The following FAM78B variants were observed in gnomAD, a reference collection of about 807,000 sequenced individuals.
FAM78B encodes the protein protein FAM78B.
Under a neutral mutation model 20.0 loss-of-function variants are expected in FAM78B, and 10 were observed. The ratio of observed to expected loss-of-function variants is 0.50; its 90% CI spans 0.31 to 0.85. FAM78B has a LOEUF of 0.85. Among genes scored for constraint, FAM78B ranks in the 40% least tolerant of loss-of-function variants. The pLI, the probability that FAM78B is intolerant of heterozygous loss-of-function variation, is 0.05. For synonymous variants in FAM78B, 135 were observed against 132.8 expected, an observed-to-expected ratio of 1.02 and a Z score of -0.12; for missense variants, 283 against 345.0, an observed-to-expected ratio of 0.82 and a Z score of 1.42.
At chr1:166,067,935 G>A (rs1258987799), downstream of FAM78B, among the ~76,000 whole-genome samples, 2 of 152,160 alleles carry the variant, frequency 1.3e-5, no homozygotes, top group Non-Finnish European at 2.9e-5. Context: ...AGCTAAGTAT[G>A]CTACACCTTG....
intron 1 of FAM78B, among the ~76,000 whole-genome samples, chr1:166,091,297 C>A (rs1653059989): frequency 6.6e-6 from 1 of 152,056 alleles, no homozygotes; most frequent in Non-Finnish European, 1.5e-5. Flanking sequence ...TGTCCCCACC[C>A]AAATCTCATC....
intron 1 of FAM78B, among the ~76,000 whole-genome samples, chr1:166,149,698 C>T (rs879698203): frequency 6.6e-6 from 1 of 152,170 alleles, no homozygotes; most frequent in Non-Finnish European, 1.5e-5. Context: ...TCAAGCCTAG[C>T]CTTTTTCATT....
exon 3 of FAM78B, chr1:166,057,918 T>C (rs997804931): frequency 2.0e-5 from 3 of 151,944 alleles, no homozygotes; most frequent in Non-Finnish European, 2.9e-5. Context: ...CCCAGCGAGA[T>C]CTAAATTAAT....
At chr1:166,149,373 CCTTTTTACCT>C (rs1247513279) in intron 1 of FAM78B, among the ~76,000 whole-genome samples, 3 of 152,210 alleles carry the variant, frequency 2.0e-5, no homozygotes, top group African/African-American at 4.8e-5. Context: ...TTGGGCAATT[CCTTTTTACCT>C]CTTTTTACAT....
chr1:166,089,860 C>T lies in FAM78B; in HGVS notation c.264-19097G>A, dbSNP rs947553451. On this transcript the variant is annotated intron_variant, in intron 1 of 1. Coordinates refer to ENST00000354422, the MANE Select transcript of FAM78B (RefSeq NM_001017961.5). ...AAAGGGAACTCTGTTAACATAACCGCGGTGGGGGTTAAAGAGCAGCTTTCC... is the reference window on the plus strand; with the variant it reads ...AAAGGGAACTCTGTTAACATAACCGTGGTGGGGGTTAAAGAGCAGCTTTCC... Among the ~76,000 whole-genome samples the T allele has an allele frequency of 5.9e-5, 9 of 152,218 alleles. No individual in the cohort carries two copies. In the East Asian group the frequency reaches 9.7e-4, roughly 16 times the overall value.
At chr1:166,136,229 G>A (rs1009157806) in intron 1 of FAM78B, among the ~76,000 whole-genome samples, 3 of 152,212 alleles carry the variant, frequency 2.0e-5, no homozygotes, top group Non-Finnish European at 2.9e-5. Flanking sequence ...CATGGAGGGT[G>A]TCAGAGATTT....
intron 1 of FAM78B, among the ~76,000 whole-genome samples, chr1:166,149,718 G>C (rs766345395): frequency 3.3e-5 from 5 of 152,118 alleles, no homozygotes. Flanking sequence ...TACATTCAAG[G>C]TTTATATGGC....
At chr1:166,152,531 C>T (rs1378179919) in intron 1 of FAM78B, among the ~76,000 whole-genome samples, 6 of 152,148 alleles carry the variant, frequency 3.9e-5, no homozygotes, top group African/African-American at 1.4e-4. Flanking sequence ...CATACTCCCT[C>T]TCTGCTGCAG....
rs531455188 is a variant in FAM78B at position 166,161,738 on chromosome 1, G to A, written c.263+4248C>T. Among the ~76,000 whole-genome samples the A allele has an allele frequency of 9.2e-5, 14 of 152,288 alleles. No homozygotes were observed. In the South Asian group the frequency reaches 2.1e-3, roughly 23 times the overall value. On this transcript the variant is annotated intron_variant, in intron 1 of 1. Transcript: ENST00000354422. ...TCTAGGGTGACATACAGATGGTTTC[G>A]CTTGAGCAACTCAAAGAGTGGAGGT...
chr1:166,065,674 G>A (rs1300627757), downstream of FAM78B, among the ~76,000 whole-genome samples: 1 of 152,138 alleles, frequency 6.6e-6, no homozygotes, highest in Non-Finnish European at 1.5e-5. Context: ...CTGTCATCTG[G>A]CAACTGGCAA....
At chr1:166,158,225 T>C (rs1291918655) in intron 1 of FAM78B, among the ~76,000 whole-genome samples, 2 of 152,198 alleles carry the variant, frequency 1.3e-5, no homozygotes, top group East Asian at 3.8e-4. Flanking sequence ...CTCGGGAGGC[T>C]GAGGTGGGAG....
At chr1:166,151,480 C>T (rs986983698) in intron 1 of FAM78B, among the ~76,000 whole-genome samples, 1 of 152,210 alleles carries the variant, frequency 6.6e-6, no homozygotes, top group African/African-American at 2.4e-5. Context: ...GACTCTCCCT[C>T]TTAGAATAAA....
Position 166,077,996 on chromosome 1 carries a change from A to T in FAM78B, c.264-7233T>A, listed in dbSNP as rs71630308. 8.1e-3 allele frequency among the ~76,000 whole-genome samples: 657 copies of T among 81,498 alleles called. 30 individuals are homozygous for T. The highest frequency in any genetic ancestry group is 0.015 in the East Asian group (38 of 2,504). 53.5% of individuals were successfully genotyped at this position (81,498 alleles called of 152,430 possible). ...ATAAATATATATAATTTATATATAT[A>T]ATTATATATATAATAAATATATATA... On this transcript the variant is annotated intron_variant, in intron 1 of 1. Transcript: ENST00000354422.
intron 1 of FAM78B, among the ~76,000 whole-genome samples, chr1:166,109,186 G>A (rs1653899958): frequency 6.6e-6 from 1 of 152,160 alleles, no homozygotes; most frequent in Non-Finnish European, 1.5e-5. Context: ...AAGAGCTTTT[G>A]CACAGCAAAA....
At chr1:166,141,081 G>A (rs943276937) in intron 1 of FAM78B, among the ~76,000 whole-genome samples, 9 of 152,228 alleles carry the variant, frequency 5.9e-5, no homozygotes, top group Admixed American at 5.9e-4. Context: ...ATGCTCCCCT[G>A]ACATTAAAGG....
At chr1:166,084,231 A>ACT (rs1652706856) in intron 1 of FAM78B, among the ~76,000 whole-genome samples, 1 of 128,638 alleles carries the variant, frequency 7.8e-6, no homozygotes, top group East Asian at 2.3e-4. Flanking sequence ...ACACACACAC[A>ACT]CACACACTCT....
chr1:166,088,081 C>G (rs1235958935), intron 1 of FAM78B, among the ~76,000 whole-genome samples: 1 of 152,198 alleles, frequency 6.6e-6, no homozygotes, highest in Non-Finnish European at 1.5e-5. Flanking sequence ...CAATTCTGCT[C>G]AAGCTGTTGG....
In FAM78B at chr1:166,077,850, A is replaced by T. The variant is rs1221282781; in HGVS notation, c.264-7087T>A. On this transcript the variant is annotated intron_variant, in intron 1 of 1. Transcript: ENST00000354422. ...AATATATATAATTTATATATATAAT[A>T]ATATATATAATTTATATATATAATT... Among the ~76,000 whole-genome samples, 18 of 37,776 alleles carry T rather than the reference A, an allele frequency of 4.8e-4. 1 individual carries two copies. The highest frequency in any genetic ancestry group is 1.1e-3 in the African/African-American group (16 of 13,952). The allele number at this position is 37,776 out of a possible 152,430, so 24.8% of individuals were successfully genotyped here. A position where few individuals can be genotyped will look rare whatever the true frequency, so the allele number is the denominator to read the frequency against.
At chr1:166,071,412 A>G (rs1571131486) in intron 1 of FAM78B, among the ~76,000 whole-genome samples, 1 of 152,316 alleles carries the variant, frequency 6.6e-6, no homozygotes, top group South Asian at 2.1e-4. Flanking sequence ...ACTCTAATGC[A>G]CCGCTCTCCC....
Sources: allele counts gnomAD v4.1 joint callset (sites outside exome capture counted in the v4.1 genomes callset), GRCh38; gene constraint gnomAD v4.1.1; transcripts MANE v1.5; gene names NCBI Gene and HGNC (gene_info 2026-07-23, HGNC 2026-07-21).